The following INPP4A variants were observed in gnomAD, a reference collection of about 807,000 sequenced individuals.
The protein encoded by INPP4A is inositol polyphosphate-4-phosphatase type I A, also known as inositol polyphosphate-4-phosphatase, type I, 107kD.
Under a neutral mutation model 119.8 loss-of-function variants are expected in INPP4A, and 33 were observed. The ratio of observed to expected loss-of-function variants is 0.28; its 90% CI spans 0.21 to 0.37. The LOEUF (loss-of-function observed/expected upper bound fraction) is 0.37, where lower values mean the gene tolerates loss of function less well. Among genes scored for constraint, INPP4A ranks in the 10% least tolerant of loss-of-function variants. INPP4A has a pLI of 1.00. For synonymous variants in INPP4A, 496 were observed against 500.7 expected (o/e 0.99, Z 0.12); for missense variants, 956 against 1,289.9 (o/e 0.74, Z 3.97).
chr2:98,545,880 A>G (rs1392252424), intron 11 of INPP4A, 89 bp from the exon 12 acceptor site: 3 of 885,774 alleles, frequency 3.4e-6, no homozygotes, highest in Non-Finnish European at 5.2e-6. Flanking sequence ...TATATGCCAC[A>G]GCATCCTCTG....
chr2:98,465,894 C>T (rs77666392), intron 1 of INPP4A, among the ~76,000 whole-genome samples: 2,450 of 152,176 alleles, frequency 0.016, 71 homozygotes, highest in African/African-American at 0.054. Context: ...CTCACTCTAG[C>T]GCCCTCCCCC....
intron 8 of INPP4A, among the ~76,000 whole-genome samples, chr2:98,538,531 ATTG>A (rs1690757462): frequency 6.6e-6 from 1 of 152,218 alleles, no homozygotes; most frequent in Non-Finnish European, 1.5e-5. Context: ...GTAAGTAGTC[ATTG>A]TTGTACAATA....
In INPP4A at chr2:98,461,282, CAG is replaced by C. The variant is rs1697108165; in HGVS notation, c.-166+16200_-166+16201del. Among the ~76,000 whole-genome samples the C allele has an allele frequency of 7.2e-5, 11 of 152,296 alleles. No homozygotes were observed. In the South Asian group the frequency reaches 2.3e-3, roughly 32 times the overall value. On this transcript the variant is annotated intron_variant, in intron 1 of 24. Transcript: ENST00000409851. ...GTAGTGACATGGCAGAGGAGGCAAA[CAG>C]AGTGGAAGGAGACAAGTCAGAGAAG...
At chr2:98,532,989 G>A (rs1689524981) in intron 4 of INPP4A, among the ~76,000 whole-genome samples, 1 of 152,312 alleles carries the variant, frequency 6.6e-6, no homozygotes, top group Non-Finnish European at 1.5e-5. Flanking sequence ...ATGCAAGCAT[G>A]GGTAGCTCTG....
chr2:98,478,028 T>C (rs528092553), intron 1 of INPP4A, among the ~76,000 whole-genome samples: 1 of 152,342 alleles, frequency 6.6e-6, no homozygotes, highest in East Asian at 1.9e-4. Flanking sequence ...CCTACTGTTA[T>C]TGTGCGGTGC....
intron 13 of INPP4A, among the ~76,000 whole-genome samples, chr2:98,550,897 C>T (rs1342055681): frequency 1.3e-5 from 2 of 151,916 alleles, no homozygotes; most frequent in Non-Finnish European, 2.9e-5. Context: ...AGTAGATCTA[C>T]ATACAGCACA....
intron 17 of INPP4A, among the ~76,000 whole-genome samples, chr2:98,561,886 T>A (rs1225582806): frequency 6.6e-6 from 1 of 152,254 alleles, no homozygotes; most frequent in East Asian, 1.9e-4. Flanking sequence ...GCATTTTTAA[T>A]AGGCACTTCA....
At chr2:98,506,359 GC>G (rs1684040237) in intron 1 of INPP4A, among the ~76,000 whole-genome samples, 1 of 152,242 alleles carries the variant, frequency 6.6e-6, no homozygotes, top group African/African-American at 2.4e-5. Context: ...CCTTGAGGGA[GC>G]CCCTCTACCA....
intron 24 of INPP4A, among the ~76,000 whole-genome samples, chr2:98,578,194 T>C (rs1698742399): frequency 6.6e-6 from 1 of 152,110 alleles, no homozygotes; most frequent in African/African-American, 2.4e-5. Context: ...CTGGGGCGCC[T>C]TTTTAAAATT....
rs369371577 is a variant in INPP4A at position 98,563,614 on chromosome 2, C to T, written c.2005C>T (p.Arg669Cys). The T allele has an allele frequency of 2.5e-6, 4 of 1,612,854 alleles. No individual in the cohort carries two copies. The highest frequency in any genetic ancestry group is 2.5e-6 in the Non-Finnish European group (3 of 1,179,856). The change falls in exon 18 of 25, where the codon CGT becomes TGT. Residue 669 changes from arginine (R) to cysteine (C), a missense_variant. By Grantham distance (180) the Arg-to-Cys change is radical. Around this residue, in one of 2 missense-constraint regions of INPP4A, gnomAD observed 304 missense variants for 492.1 expected, o/e 0.62. Transcript: ENST00000409851. Reference protein sequence around the residue: ...IATYLSLQYRRDVVFCQTLTA... With the variant: ...IATYLSLQYRCDVVFCQTLTA... ...CACCTACCTGAGCCTGCAGTACCGC[C>T]GTGACGTGGTCTTCTGCCAGACGGT...
intron 1 of INPP4A, among the ~76,000 whole-genome samples, chr2:98,472,487 G>A (rs1439649380): frequency 6.6e-6 from 1 of 152,262 alleles, no homozygotes; most frequent in African/African-American, 2.4e-5. Context: ...TGTGGCAAGT[G>A]TCCAAGGAAC....
At chr2:98,473,041 G>A (rs1490924907) in intron 1 of INPP4A, among the ~76,000 whole-genome samples, 1 of 151,366 alleles carries the variant, frequency 6.6e-6, no homozygotes, top group Non-Finnish European at 1.5e-5. Context: ...GGCAGTGTGG[G>A]TGCAGTGAAG....
At chr2:98,535,283 A>G (rs1690021486) in intron 5 of INPP4A, among the ~76,000 whole-genome samples, 1 of 152,244 alleles carries the variant, frequency 6.6e-6, no homozygotes, top group South Asian at 2.1e-4. Flanking sequence ...ATAATAAACC[A>G]CTTAAGCCAT....
At chr2:98,577,226 C>T (rs1698572775) in intron 24 of INPP4A, 83 bp downstream of exon 24, 6 of 1,416,478 alleles carry the variant, frequency 4.2e-6, no homozygotes, top group Non-Finnish European at 5.7e-6. Context: ...CTCCTGCCTG[C>T]AGGGCCTACC....
chr2:98,513,814 C>A (rs1221253389), intron 1 of INPP4A, among the ~76,000 whole-genome samples: 1 of 152,232 alleles, frequency 6.6e-6, no homozygotes, highest in Non-Finnish European at 1.5e-5. Context: ...GGCTCTGGCC[C>A]ATTCAGTTTA....
chr2:98,476,771 A>C (rs1423565277), intron 1 of INPP4A, among the ~76,000 whole-genome samples: 1 of 152,206 alleles, frequency 6.6e-6, no homozygotes, highest in African/African-American at 2.4e-5. Flanking sequence ...AGAAATTCTC[A>C]TGGGGCCCTC....
intron 1 of INPP4A, among the ~76,000 whole-genome samples, chr2:98,493,832 T>C (rs1681360346): frequency 6.6e-6 from 1 of 152,180 alleles, no homozygotes; most frequent in Non-Finnish European, 1.5e-5. Context: ...TAACATTTTG[T>C]TGATTAAGAA....
chr2:98,531,925 T>C (rs971080855), intron 4 of INPP4A, among the ~76,000 whole-genome samples: 4 of 152,224 alleles, frequency 2.6e-5, no homozygotes, highest in Non-Finnish European at 5.9e-5. Flanking sequence ...ATCTGGGTTA[T>C]AGCTGCATGA....
chr2:98,451,632 C>T (rs901500629), intron 1 of INPP4A, among the ~76,000 whole-genome samples: 2 of 152,140 alleles, frequency 1.3e-5, no homozygotes, highest in Non-Finnish European at 2.9e-5. Context: ...CCTCCCATAG[C>T]CCTCACGCAG....
Sources: gnomAD v4.1 joint callset for allele counts (sites outside exome capture counted in the v4.1 genomes callset) on GRCh38, gnomAD v4.1.1 for gene constraint, gnomAD v4.1.1 regional missense constraint, MANE v1.5 for transcripts, NCBI Gene and HGNC (gene_info 2026-07-23, HGNC 2026-07-21) for gene names.